C6: variants seen among roughly 807,000 people sequenced by gnomAD.
C6 encodes complement C6.
A neutral mutation model predicts 112.9 loss-of-function variants in C6; 101 were observed. The ratio of observed to expected loss-of-function variants is 0.89; its 90% CI spans 0.76 to 1.06. C6 has a LOEUF of 1.06. Ranked by LOEUF, C6 falls within the 50% of genes least tolerant of loss-of-function variation. The probability of loss-of-function intolerance (pLI) is 0.00; values close to 1 mark genes in which losing one functional copy is unlikely to be tolerated. For synonymous variants in C6, 431 were observed against 384.1 expected (o/e 1.12, Z -1.43); for missense variants, 1,202 against 1,104.6 (o/e 1.09, Z -1.25).
intron 1 of C6, among the ~76,000 whole-genome samples, chr5:41,204,318 T>C (rs1751257395): frequency 6.6e-6 from 1 of 152,232 alleles, no homozygotes; most frequent in African/African-American, 2.4e-5. Context: ...ATTATTGGCA[T>C]AGAATCATCA....
intron 1 of C6, among the ~76,000 whole-genome samples, chr5:41,251,865 T>C (rs1741383544): frequency 6.6e-6 from 1 of 152,096 alleles, no homozygotes; most frequent in Non-Finnish European, 1.5e-5. Flanking sequence ...TATCTGTGGT[T>C]AGAAACATGA....
At position 41,190,353 on chromosome 5, in the gene C6, G is replaced by A. The variant is rs185676907; in HGVS notation, c.588-4145C>T. 2.3e-4 allele frequency among the ~76,000 whole-genome samples: 35 copies of A among 152,166 alleles called. No individual in the cohort carries two copies. In the East Asian group the frequency reaches 5.8e-3, roughly 25 times the overall value. On this transcript the variant is annotated intron_variant, in intron 5 of 17. Coordinates refer to ENST00000337836, the MANE Select transcript of C6 (RefSeq NM_000065.5). ...ATTGTAGTTTGATTTTCATTTTCCC[G>A]ATGATTAGTGATGTTGAACATTTTA...
chr5:41,165,618 A>T (rs906236612), intron 9 of C6, among the ~76,000 whole-genome samples: 8 of 152,082 alleles, frequency 5.3e-5, no homozygotes, highest in African/African-American at 1.9e-4. Flanking sequence ...CAATTTTCCT[A>T]TATTATATGT....
chr5:41,142,313 TTG>T lies in C6; in HGVS notation c.*510_*511del, dbSNP rs1355165826. 40 of 159,608 alleles carry T rather than the reference TTG, an allele frequency of 2.5e-4. No homozygotes were observed. Among genetic ancestry groups the T allele is most frequent in the Admixed American group, 7.0e-4 (12 of 17,194 alleles). 9.9% of individuals were successfully genotyped at this position (159,608 alleles called of 1,614,324 possible). A position where few individuals can be genotyped will look rare whatever the true frequency, so the allele number is the denominator to read the frequency against. The stretch of plus-strand genomic sequence containing the variant: ...GTATGCTTCATGAAGGCAAAGGCTT[TTG>T]TCTGTTTTATTATCTGCCGAGTTCT... On this transcript the variant is annotated 3_prime_UTR_variant, in exon 18 of 18. Transcript: ENST00000337836.
At chr5:41,210,322 C>T (rs1751805943) in intron 1 of C6, among the ~76,000 whole-genome samples, 1 of 152,144 alleles carries the variant, frequency 6.6e-6, no homozygotes, top group African/African-American at 2.4e-5. Context: ...GACTTCATGA[C>T]TAAAACACCA....
intron 9 of C6, among the ~76,000 whole-genome samples, chr5:41,171,659 C>A (rs945510239): frequency 7.9e-5 from 12 of 152,150 alleles, no homozygotes; most frequent in African/African-American, 2.4e-4. Flanking sequence ...GGAGTAAGAT[C>A]ATTCTGCAAA....
At position 41,213,526 on chromosome 5, in the gene C6, G is replaced by C; in HGVS notation, c.-171C>G. The C allele has an allele frequency of 1.0e-6, 1 of 985,310 alleles. No homozygotes were observed. Among genetic ancestry groups the C allele is most frequent in the Non-Finnish European group, 1.2e-6 (1 of 829,890 alleles). 61.0% of individuals were successfully genotyped at this position (985,310 alleles called of 1,614,324 possible). A position where few individuals can be genotyped will look rare whatever the true frequency, so the allele number is the denominator to read the frequency against. On this transcript the variant is annotated 5_prime_UTR_variant, in exon 1 of 18. Transcript: ENST00000337836. ...CACAAGGCAATGCTGTCATATCCCAGAAGCCTAGCAACACCTAGAGGGTTG... is the reference window on the plus strand; with the variant it reads ...CACAAGGCAATGCTGTCATATCCCACAAGCCTAGCAACACCTAGAGGGTTG...
intron 1 of C6, among the ~76,000 whole-genome samples, chr5:41,242,092 A>G (rs76241484): frequency 0.01 from 1,534 of 152,302 alleles, 33 homozygotes; most frequent in African/African-American, 0.035. Flanking sequence ...AGAAAGGAAA[A>G]AAAAACTTGG....
intron 17 of C6, among the ~76,000 whole-genome samples, chr5:41,148,554 C>T (rs1746068551): frequency 6.6e-6 from 1 of 152,160 alleles, no homozygotes; most frequent in Non-Finnish European, 1.5e-5. Flanking sequence ...TGCTGGCTAG[C>T]AGCAGCAATT....
At chr5:41,209,857 T>G (rs1419464346) in intron 1 of C6, among the ~76,000 whole-genome samples, 1 of 152,076 alleles carries the variant, frequency 6.6e-6, no homozygotes, top group Non-Finnish European at 1.5e-5. Flanking sequence ...ACAGAATTGG[T>G]AAAAACTACT....
chr5:41,232,755 A>G (rs1316167622), intron 1 of C6, among the ~76,000 whole-genome samples: 1 of 152,030 alleles, frequency 6.6e-6, no homozygotes, highest in Non-Finnish European at 1.5e-5. Flanking sequence ...TAACTTCCTC[A>G]GAGTCAAATC....
intron 1 of C6, among the ~76,000 whole-genome samples, chr5:41,259,608 T>TA (rs1457188863): frequency 2.6e-5 from 4 of 152,044 alleles, no homozygotes; most frequent in Middle Eastern, 3.4e-3. Flanking sequence ...ATTACCACCT[T>TA]AAAAAAATCA....
At chr5:41,144,266 C>A (rs959012819) in intron 17 of C6, among the ~76,000 whole-genome samples, 1 of 151,990 alleles carries the variant, frequency 6.6e-6, no homozygotes, top group African/African-American at 2.4e-5. Flanking sequence ...ATCTTTTGAT[C>A]GTTTCTTTTC....
chr5:41,257,976 A>C (rs1202321738), intron 1 of C6, among the ~76,000 whole-genome samples: 2 of 152,154 alleles, frequency 1.3e-5, no homozygotes, highest in South Asian at 2.1e-4. Context: ...TTTCACATAG[A>C]AAAAAATCTT....
intron 7 of C6, 82 bp downstream of exon 7, chr5:41,181,277 C>T: frequency 7.8e-7 from 1 of 1,283,868 alleles, no homozygotes; most frequent in Non-Finnish European, 1.1e-6. Flanking sequence ...AATATCAAAA[C>T]TCTCCCCTTC....
chr5:41,245,236 T>A (rs1337568515), intron 1 of C6, among the ~76,000 whole-genome samples: 1 of 152,136 alleles, frequency 6.6e-6, no homozygotes, highest in Non-Finnish European at 1.5e-5. Flanking sequence ...TTTTCTTCCT[T>A]AAAAATTTAA....
At chr5:41,197,070 A>G (rs1750675542) in intron 4 of C6, among the ~76,000 whole-genome samples, 1 of 152,156 alleles carries the variant, frequency 6.6e-6, no homozygotes, top group Non-Finnish European at 1.5e-5. Flanking sequence ...ACAATTATGC[A>G]TGACTGTTTT....
At chr5:41,176,030 C>T (rs1258593438) in intron 8 of C6, among the ~76,000 whole-genome samples, 1 of 152,116 alleles carries the variant, frequency 6.6e-6, no homozygotes, top group Non-Finnish European at 1.5e-5. Flanking sequence ...AAAATTATTA[C>T]AGGAAAAAAT....
At position 41,176,675 on chromosome 5, in the gene C6, A is replaced by G; in HGVS notation, c.968T>C (p.Leu323Ser). 6.2e-7 allele frequency: 1 copy of G among 1,613,122 alleles called. No homozygotes were observed. The highest frequency in any genetic ancestry group is 8.5e-7 in the Non-Finnish European group (1 of 1,179,308). Reference protein sequence around the residue: ...FIRIHKVMKVLNFTTKAKDLH... With the variant: ...FIRIHKVMKVSNFTTKAKDLH... Reference sequence around the variant, plus strand: ...ATCTTTAGCTTTCGTTGTGAAGTTTAAGACTTTCATCACTTTATGGATCCT... The same window carrying G: ...ATCTTTAGCTTTCGTTGTGAAGTTTGAGACTTTCATCACTTTATGGATCCT... Residue 323 changes from leucine to serine, a missense_variant, in exon 8 of 18, where the codon TTA (leucine) becomes TCA (serine). Transcript: ENST00000337836.
Sources: allele counts gnomAD v4.1 joint callset (sites outside exome capture counted in the v4.1 genomes callset), GRCh38; gene constraint gnomAD v4.1.1; transcripts MANE v1.5; gene names NCBI Gene and HGNC (gene_info 2026-07-23, HGNC 2026-07-21).